Variants in EAF2 observed in about 807,000 individuals in gnomAD.
EAF2 encodes the protein ELL-associated factor 2.
EAF2 carries 29 observed loss-of-function variants against 29.4 expected under a neutral mutation model. The ratio of observed to expected loss-of-function variants is 0.99; its 90% CI spans 0.73 to 1.35. EAF2 has a LOEUF of 1.35. Ranked by LOEUF, EAF2 falls within the 40% of genes most tolerant of loss-of-function variation. The pLI, the probability that EAF2 is intolerant of heterozygous loss-of-function variation, is 0.00. For synonymous variants in EAF2, 103 were observed against 102.5 expected, an observed-to-expected ratio of 1.00 and a Z score of -0.03; for missense variants, 292 against 312.0, an observed-to-expected ratio of 0.94 and a Z score of 0.48.
chr3:121,860,624 C>G (rs1385649521), intron 4 of EAF2, among the ~76,000 whole-genome samples: 2 of 152,116 alleles, frequency 1.3e-5, no homozygotes, highest in African/African-American at 4.8e-5. Context: ...AAACCAGCTC[C>G]TAGATTCATT....
intron 2 of EAF2, among the ~76,000 whole-genome samples, chr3:121,851,382 T>C (rs773432192): frequency 6.6e-6 from 1 of 152,078 alleles, no homozygotes; most frequent in Non-Finnish European, 1.5e-5. Flanking sequence ...GTTGTCCCCA[T>C]GTTGCCCATG....
At chr3:121,864,652 C>CA (rs72425467) in intron 4 of EAF2, among the ~76,000 whole-genome samples, 1 of 151,036 alleles carries the variant, frequency 6.6e-6, no homozygotes, top group Admixed American at 6.6e-5. Context: ...CCCATCTCTA[C>CA]AAAAAAATGC....
At chr3:121,844,085 A>C (rs953032181) in intron 1 of EAF2, among the ~76,000 whole-genome samples, 22 of 152,160 alleles carry the variant, frequency 1.4e-4, no homozygotes, top group Admixed American at 1.2e-3. Context: ...TATTGGAAAA[A>C]AGGACTGAAA....
rs1709154680 is a variant in EAF2, at chr3:121,879,438, C to G, written c.736+6650C>G. 2.0e-5 allele frequency among the ~76,000 whole-genome samples: 3 copies of G among 151,924 alleles called. No individual in the cohort carries two copies. The South Asian group carries it at 6.2e-4, about 31-fold the overall frequency. On this transcript the variant is annotated intron_variant, in intron 5 of 5. Transcript: ENST00000273668. Reference sequence around the variant, plus strand: ...ACTTTTGTTGTCAGTGTTTTCAGGTCTTACATACAAAAAAATCTTGGCCCA... The same window carrying G: ...ACTTTTGTTGTCAGTGTTTTCAGGTGTTACATACAAAAAAATCTTGGCCCA...
intron 2 of EAF2, among the ~76,000 whole-genome samples, chr3:121,846,305 T>C (rs1708528018): frequency 6.6e-6 from 1 of 152,250 alleles, no homozygotes; most frequent in Non-Finnish European, 1.5e-5. Context: ...ATGGGCTTTT[T>C]ATTGAATATT....
intron 4 of EAF2, among the ~76,000 whole-genome samples, chr3:121,864,568 T>C (rs4676758): frequency 0.78 from 118,498 of 152,002 alleles, 46,800 homozygotes; most frequent in East Asian, 0.94. Flanking sequence ...ATAATCCCAG[T>C]ACTTTGGGAG....
At chr3:121,866,480 C>T (rs1708928852) in intron 4 of EAF2, among the ~76,000 whole-genome samples, 1 of 152,170 alleles carries the variant, frequency 6.6e-6, no homozygotes, top group Admixed American at 6.5e-5. Context: ...AATCCCAGCA[C>T]TTTGGGAGGC....
At chr3:121,859,112 C>T (rs1169463091) in intron 4 of EAF2, among the ~76,000 whole-genome samples, 4 of 152,114 alleles carry the variant, frequency 2.6e-5, no homozygotes, top group East Asian at 3.8e-4. Flanking sequence ...GTGATGCCTC[C>T]GGCTTTGTTC....
At chr3:121,856,103 C>T (rs901121906) in intron 3 of EAF2, among the ~76,000 whole-genome samples, 1 of 152,124 alleles carries the variant, frequency 6.6e-6, no homozygotes, top group African/African-American at 2.4e-5. Flanking sequence ...TTTTATTATA[C>T]TACACTCTTC....
chr3:121,883,966 GA>G (rs2107552278), intron 5 of EAF2, among the ~76,000 whole-genome samples: 1 of 152,274 alleles, frequency 6.6e-6, no homozygotes, highest in African/African-American at 2.4e-5. Context: ...TGTGTCGCTT[GA>G]AAAACTCATA....
rs1470177158 is a variant in EAF2, at chr3:121,857,128, A to G, written c.456A>G (p.Pro152=). The G allele has an allele frequency of 6.2e-7, 1 of 1,612,894 alleles. No homozygotes were observed. Among genetic ancestry groups the G allele is most frequent in the Non-Finnish European group, 8.5e-7 (1 of 1,179,470 alleles). Residue 152 remains proline, a synonymous_variant, in exon 4 of 6, where the codon CCA becomes CCG. Transcript: ENST00000273668. Reference sequence around the variant, plus strand: ...CTCCATCTGAAGATAAGATGTCCCCAGCATCTCCAATAGATGATATCGAAA... The same window carrying G: ...CTCCATCTGAAGATAAGATGTCCCCGGCATCTCCAATAGATGATATCGAAA... ...KHSPSEDKMS[P]ASPIDDIERE... is the part of the protein sequence containing the mutation.
At chr3:121,863,920 T>C (rs542136885) in intron 4 of EAF2, among the ~76,000 whole-genome samples, 74 of 152,276 alleles carry the variant, frequency 4.9e-4, no homozygotes, top group African/African-American at 1.7e-3. Context: ...TTGGCAATTG[T>C]GATGACTCAA....
intron 5 of EAF2, among the ~76,000 whole-genome samples, chr3:121,885,979 G>C (rs1174431809): frequency 6.6e-6 from 1 of 151,296 alleles, no homozygotes; most frequent in Admixed American, 6.6e-5. Flanking sequence ...TCCATTTTAA[G>C]TAAAAAAAAA....
At chr3:121,880,799 T>G (rs750308586) in intron 5 of EAF2, among the ~76,000 whole-genome samples, 9 of 152,278 alleles carry the variant, frequency 5.9e-5, no homozygotes, top group Admixed American at 2.0e-4. Flanking sequence ...CCTTATATTG[T>G]TCCAGCTCCT....
chr3:121,856,900 T>G, intron 3 of EAF2, 111 bp from the exon 4 acceptor site: 1 of 840,740 alleles, frequency 1.2e-6, no homozygotes, highest in Non-Finnish European at 1.8e-6. Context: ...GGAATATTAT[T>G]CTAAAGATGT....
chr3:121,835,516 G>C (rs904107654), intron 1 of EAF2, 125 bp downstream of exon 1: 1 of 850,992 alleles, frequency 1.2e-6, no homozygotes. Context: ...GGCGGGGAGG[G>C]GGGAGGCAGC....
At chr3:121,869,591 G>C (rs996037960) in intron 4 of EAF2, among the ~76,000 whole-genome samples, 1 of 152,076 alleles carries the variant, frequency 6.6e-6, no homozygotes, top group Admixed American at 6.6e-5. Context: ...ATAAAGAAAT[G>C]GTAGGCTGGG....
rs776028421 is a variant in EAF2, at chr3:121,835,253, T to C, written c.-33T>C. The C allele has an allele frequency of 1.9e-6, 3 of 1,602,616 alleles. No homozygotes were observed. The highest frequency in any genetic ancestry group is 2.2e-5 in the South Asian group (2 of 90,858). The stretch of plus-strand genomic sequence containing the variant: ...TGAGGTGGCAGATAGTGAGCGCTGG[T>C]GGCGGAGTTAAAGTCAAAGCAGGAG... On this transcript the variant is annotated 5_prime_UTR_variant, in exon 1 of 6. Transcript: ENST00000273668.
chr3:121,861,752 T>C (rs575127283), intron 4 of EAF2, among the ~76,000 whole-genome samples: 6 of 152,366 alleles, frequency 3.9e-5, no homozygotes, highest in Admixed American at 6.5e-5. Context: ...GTTTATGTAG[T>C]TTCTTCCTAG....
Sources: allele counts gnomAD v4.1 joint callset (sites outside exome capture counted in the v4.1 genomes callset), GRCh38; gene constraint gnomAD v4.1.1; transcripts MANE v1.5; gene names NCBI Gene and HGNC (gene_info 2026-07-23, HGNC 2026-07-21).